SGMS1: variants seen among roughly 807,000 people sequenced by gnomAD.
The protein encoded by SGMS1 is sphingomyelin synthase 1.
A neutral mutation model predicts 46.2 loss-of-function variants in SGMS1; 13 were observed. The observed-to-expected ratio is 0.28, with a 90% CI of 0.18 to 0.45. The LOEUF is 0.45. SGMS1 is among the 20% of genes least tolerant of loss of function. SGMS1 has a pLI of 1.00. For synonymous variants in SGMS1, 203 were observed against 187.8 expected, an observed-to-expected ratio of 1.08 and a Z score of -0.66; for missense variants, 324 against 519.9, an observed-to-expected ratio of 0.62 and a Z score of 3.66.
intron 6 of SGMS1, among the ~76,000 whole-genome samples, chr10:50,403,902 T>A (rs1375979550): frequency 1.3e-5 from 2 of 151,822 alleles, no homozygotes; most frequent in Non-Finnish European, 2.9e-5. Flanking sequence ...CCTCAACCCC[T>A]ACCCTTCTTT....
At chr10:50,489,513 A>C (rs1837549962) in intron 3 of SGMS1, among the ~76,000 whole-genome samples, 1 of 152,272 alleles carries the variant, frequency 6.6e-6, no homozygotes, top group South Asian at 2.1e-4. Context: ...TCATGTAAGC[A>C]TCCAGTTCTG....
intron 5 of SGMS1, among the ~76,000 whole-genome samples, chr10:50,458,354 TTTTTTTTTTTTTTTTG>T (rs1837220410): frequency 1.2e-5 from 1 of 86,702 alleles, no homozygotes; most frequent in Non-Finnish European, 2.7e-5. Context: ...TTTTTTTTTT[TTTTTTTTTTTTTTTTG>T]TTTGAGGTGG....
At chr10:50,321,506 T>G (rs1847443319) in intron 8 of SGMS1, among the ~76,000 whole-genome samples, 2 of 151,770 alleles carry the variant, frequency 1.3e-5, no homozygotes, top group Admixed American at 6.6e-5. Context: ...AAGAACAGAT[T>G]TAGGATGGGA....
intron 3 of SGMS1, among the ~76,000 whole-genome samples, chr10:50,487,065 C>T (rs183933130): frequency 6.6e-6 from 1 of 152,206 alleles, no homozygotes; most frequent in East Asian, 1.9e-4. Flanking sequence ...AAACAGAAAC[C>T]CAAATACCGC....
Position 50,307,457 on chromosome 10 carries a change from A to T in SGMS1, c.1063-136T>A, listed in dbSNP as rs1364932487. 1 of 684,504 alleles carries T rather than the reference A, an allele frequency of 1.5e-6. No homozygotes were observed. The highest frequency in any genetic ancestry group is 1.8e-5 in the African/African-American group (1 of 55,460). 42.4% of individuals were successfully genotyped at this position (684,504 alleles called of 1,614,324 possible). ...CCACATATCCCAGCTTCTCTCTCTC[A>T]TCACCATTCTACACTCCACATTCAT... On this transcript the variant is annotated intron_variant, in intron 10 of 10. Transcript: ENST00000361781. The surrounding 1 kb of genome is among the most constrained non-coding windows in gnomAD (Gnocchi z 4.2).
intron 2 of SGMS1, among the ~76,000 whole-genome samples, chr10:50,579,869 T>A (rs1838416943): frequency 6.6e-6 from 1 of 152,082 alleles, no homozygotes; most frequent in African/African-American, 2.4e-5. Flanking sequence ...TCCCAAGATG[T>A]GGTACACAGC....
intron 6 of SGMS1, among the ~76,000 whole-genome samples, chr10:50,403,514 CTTT>C (rs1401170341): frequency 1.3e-5 from 2 of 152,080 alleles, no homozygotes; most frequent in Non-Finnish European, 2.9e-5. Context: ...TCTTGCTCTT[CTTT>C]GTCTTCATTC....
At chr10:50,575,836 C>T (rs149943047) in intron 2 of SGMS1, among the ~76,000 whole-genome samples, 239 of 152,178 alleles carry the variant, frequency 1.6e-3, no homozygotes, top group African/African-American at 5.1e-3. Context: ...ATTTCCAATA[C>T]CTTCTGAAAG....
intron 3 of SGMS1, among the ~76,000 whole-genome samples, chr10:50,510,310 C>T (rs533373987): frequency 1.3e-5 from 2 of 152,248 alleles, no homozygotes; most frequent in South Asian, 4.1e-4. Flanking sequence ...TACATTTTTT[C>T]CAGTTTTAGC....
intron 8 of SGMS1, among the ~76,000 whole-genome samples, chr10:50,317,499 G>A (rs537492549): frequency 6.6e-6 from 1 of 152,258 alleles, no homozygotes; most frequent in South Asian, 2.1e-4. Flanking sequence ...TGGGTTCAGA[G>A]CCCAAATGTC....
chr10:50,409,386 G>T (rs1276851117), intron 6 of SGMS1, among the ~76,000 whole-genome samples: 1 of 152,216 alleles, frequency 6.6e-6, no homozygotes, highest in South Asian at 2.1e-4. Flanking sequence ...AACCTCGCTG[G>T]ATATAATCCC....
At chr10:50,452,657 T>C (rs1837126481) in intron 5 of SGMS1, among the ~76,000 whole-genome samples, 1 of 152,182 alleles carries the variant, frequency 6.6e-6, no homozygotes, top group Non-Finnish European at 1.5e-5. Flanking sequence ...ATTTCCATTA[T>C]AATGATTGTA....
rs548412703 is a variant in SGMS1, at chr10:50,601,839, C to A, written c.-683-11592G>T. ...ATTTTGGGAATGGGACCCAAGTCTA[C>A]CCATTAAATTCATTTATGTCTCCTA... On this transcript the variant is annotated intron_variant, in intron 1 of 10. Transcript: ENST00000361781. 8.5e-5 allele frequency among the ~76,000 whole-genome samples: 13 copies of A among 152,306 alleles called. No individual in the cohort carries two copies. In the East Asian group the frequency reaches 2.1e-3, roughly 25 times the overall value.
At chr10:50,383,852 T>G (rs1471306124) in intron 6 of SGMS1, among the ~76,000 whole-genome samples, 1 of 152,212 alleles carries the variant, frequency 6.6e-6, no homozygotes, top group Non-Finnish European at 1.5e-5. Context: ...GGGCTAGGGC[T>G]ATGTTTAGTA....
At chr10:50,422,464 A>G (rs1013195054) in intron 6 of SGMS1, among the ~76,000 whole-genome samples, 12 of 152,322 alleles carry the variant, frequency 7.9e-5, no homozygotes, top group African/African-American at 2.6e-4. Context: ...CTACTGAGAC[A>G]GCAAATCTGA....
At chr10:50,324,139 C>T (rs1343842116) in intron 8 of SGMS1, among the ~76,000 whole-genome samples, 1 of 152,174 alleles carries the variant, frequency 6.6e-6, no homozygotes, top group Non-Finnish European at 1.5e-5. Flanking sequence ...GAAACTGTCT[C>T]CTTCCACACC....
chr10:50,346,095 C>T (rs1055424927), intron 6 of SGMS1, among the ~76,000 whole-genome samples: 1 of 151,886 alleles, frequency 6.6e-6, no homozygotes, highest in East Asian at 1.9e-4. Context: ...CACAGTTTGA[C>T]TCTCAGCATC....
intron 8 of SGMS1, among the ~76,000 whole-genome samples, chr10:50,319,161 CAAAAA>C (rs5784829): frequency 9.3e-6 from 1 of 107,844 alleles, no homozygotes; most frequent in Non-Finnish European, 2.0e-5. Context: ...GATTTGCCAC[CAAAAA>C]AAAAAAAAAA....
chr10:50,489,992 A>T (rs1837554577), intron 3 of SGMS1, among the ~76,000 whole-genome samples: 1 of 152,212 alleles, frequency 6.6e-6, no homozygotes, highest in African/African-American at 2.4e-5. Context: ...AAAATAAAAA[A>T]TAAAAATAAA....
Sources: allele counts gnomAD v4.1 joint callset (sites outside exome capture counted in the v4.1 genomes callset), GRCh38; gene constraint gnomAD v4.1.1; non-coding constraint Gnocchi (gnomAD v3.1); transcripts MANE v1.5; gene names NCBI Gene and HGNC (gene_info 2026-07-23, HGNC 2026-07-21).